Variants in SFMBT2 observed in about 807,000 individuals in gnomAD.
SFMBT2 encodes Scm like with four mbt domains 2.
SFMBT2 carries 38 observed loss-of-function variants against 110.1 expected under a neutral mutation model. That is an observed-to-expected ratio of 0.35 (90% CI 0.27 to 0.45). The LOEUF is 0.45. Ranked by LOEUF, SFMBT2 falls within the 20% of genes least tolerant of loss-of-function variation. The pLI is 1.00. For synonymous variants in SFMBT2, 425 were observed against 425.4 expected (o/e 1.00, Z 0.01); for missense variants, 1,011 against 1,094.9 (o/e 0.92, Z 1.08).
chr10:7,399,152 C>G (rs1339369699), intron 1 of SFMBT2, among the ~76,000 whole-genome samples: 1 of 152,194 alleles, frequency 6.6e-6, no homozygotes. Flanking sequence ...GCCTGTGGAG[C>G]CCTGCACTCC....
In SFMBT2 at chr10:7,387,415, C is replaced by T. The variant is rs191753964; in HGVS notation, c.-51-5466G>A. On this transcript the variant is annotated intron_variant, in intron 1 of 20. Transcript: ENST00000397167. The stretch of plus-strand genomic sequence containing the variant: ...CAGACATATAAATACCAGTGGCTGC[C>T]AGCAAGGACAAGTGGCTGCTAAAAG... 3.1e-3 allele frequency among the ~76,000 whole-genome samples: 479 copies of T among 152,210 alleles called. 3 individuals carry two copies. Among genetic ancestry groups the T allele is most frequent in the East Asian group, 2.1e-3 (11 of 5,182 alleles).
In SFMBT2 at chr10:7,159,869, T is replaced by C. The variant is rs902823971; in HGVS notation, c.*3901A>G. 1.1e-4 allele frequency: 16 copies of C among 152,030 alleles called. No individual in the cohort carries two copies. Among genetic ancestry groups the C allele is most frequent in the Middle Eastern group, 3.4e-3 (1 of 294 alleles). 9.4% of individuals were successfully genotyped at this position (152,030 alleles called of 1,614,324 possible). A position where few individuals can be genotyped will look rare whatever the true frequency, so the allele number is the denominator to read the frequency against. ...AGCGGGGACAGCTCTTAGAAAGGGGTGTTTGGCATAAGACAGAAGGCAAAT... is the reference window on the plus strand; with the variant it reads ...AGCGGGGACAGCTCTTAGAAAGGGGCGTTTGGCATAAGACAGAAGGCAAAT... On this transcript the variant is annotated 3_prime_UTR_variant, in exon 21 of 21. Coordinates refer to ENST00000397167, the MANE Select transcript of SFMBT2 (RefSeq NM_001387889.1).
intron 12 of SFMBT2, chr10:7,204,441 T>C (rs1839061625): frequency 1.0e-6 from 1 of 985,146 alleles, no homozygotes; most frequent in Admixed American, 6.1e-5. Flanking sequence ...CTTTAACAGT[T>C]AAAACCTGTT....
intron 4 of SFMBT2, among the ~76,000 whole-genome samples, chr10:7,350,877 GC>G (rs1434860407): frequency 6.6e-6 from 1 of 152,160 alleles, no homozygotes; most frequent in Non-Finnish European, 1.5e-5. Context: ...CAATTATTCT[GC>G]TTTACTATGC....
At chr10:7,340,944 G>A (rs1203157415) in intron 4 of SFMBT2, among the ~76,000 whole-genome samples, 1 of 152,060 alleles carries the variant, frequency 6.6e-6, no homozygotes, top group East Asian at 1.9e-4. Context: ...AATCACTCCA[G>A]CTGAAAAACA....
chr10:7,334,242 C>T (rs1346952683), intron 4 of SFMBT2, among the ~76,000 whole-genome samples: 1 of 152,188 alleles, frequency 6.6e-6, no homozygotes, highest in African/African-American at 2.4e-5. Context: ...GAGAACCAGG[C>T]TCAGAAACCC....
intron 11 of SFMBT2, chr10:7,214,725 A>G (rs1839475775): frequency 1.0e-6 from 1 of 985,370 alleles, no homozygotes; most frequent in Non-Finnish European, 1.2e-6. Flanking sequence ...CTTACTGTCC[A>G]AAGCTGTGCA....
intron 9 of SFMBT2, among the ~76,000 whole-genome samples, chr10:7,235,857 T>C (rs1840235558): frequency 6.6e-6 from 1 of 152,084 alleles, no homozygotes; most frequent in African/African-American, 2.4e-5. Flanking sequence ...TACTGTAAAA[T>C]ACATGTACAT....
intron 4 of SFMBT2, among the ~76,000 whole-genome samples, chr10:7,287,580 T>C (rs928033329): frequency 1.3e-5 from 2 of 152,118 alleles, no homozygotes; most frequent in Non-Finnish European, 2.9e-5. Context: ...AAAGTCAGCA[T>C]AAATGACAGC....
At chr10:7,194,768 C>A (rs1476745422) in intron 15 of SFMBT2, among the ~76,000 whole-genome samples, 2 of 152,144 alleles carry the variant, frequency 1.3e-5, no homozygotes, top group Admixed American at 1.3e-4. Flanking sequence ...ATTTTTCAAA[C>A]ATCAGCAAAA....
intron 1 of SFMBT2, among the ~76,000 whole-genome samples, chr10:7,405,516 G>C (rs1846187089): frequency 1.3e-5 from 2 of 152,138 alleles, no homozygotes. Flanking sequence ...TCTGCAGCAG[G>C]GACCCACAGC....
chr10:7,349,893 C>A (rs188212508), intron 4 of SFMBT2, among the ~76,000 whole-genome samples: 196 of 152,250 alleles, frequency 1.3e-3, no homozygotes, highest in African/African-American at 4.6e-3. Context: ...ACTGAAGATG[C>A]CGATGCAAAA....
chr10:7,251,372 G>T (rs1292135778), intron 7 of SFMBT2, among the ~76,000 whole-genome samples: 2 of 152,088 alleles, frequency 1.3e-5, no homozygotes, highest in Admixed American at 1.3e-4. Flanking sequence ...TACCCGGGAG[G>T]CAGAGGCAGG....
At chr10:7,400,227 AGAGG>A (rs1452677195) in intron 1 of SFMBT2, among the ~76,000 whole-genome samples, 1 of 152,216 alleles carries the variant, frequency 6.6e-6, no homozygotes, top group Non-Finnish European at 1.5e-5. Flanking sequence ...TCACAGCGGT[AGAGG>A]GAGGAAGAGG....
At chr10:7,395,157 A>G (rs1452963828) in intron 1 of SFMBT2, among the ~76,000 whole-genome samples, 1 of 152,172 alleles carries the variant, frequency 6.6e-6, no homozygotes, top group African/African-American at 2.4e-5. Context: ...CGTCTCTACT[A>G]AACATACAAA....
rs149885600 is a variant in SFMBT2 at position 7,365,908 on chromosome 10, G to A, written c.436+1741C>T. Among the ~76,000 whole-genome samples the A allele has an allele frequency of 1.2e-4, 19 of 152,296 alleles. No homozygotes were observed. In the East Asian group the frequency reaches 3.7e-3, roughly 29 times the overall value. On this transcript the variant is annotated intron_variant, in intron 4 of 20. Coordinates refer to ENST00000397167, the MANE Select transcript of SFMBT2 (RefSeq NM_001387889.1). ...AGTAATAATGGTTGCACAACCTTGT[G>A]AATATACTAAAAAATCACTGAACTG...
intron 4 of SFMBT2, among the ~76,000 whole-genome samples, chr10:7,297,944 G>A (rs1015480205): frequency 1.3e-5 from 2 of 152,150 alleles, no homozygotes; most frequent in African/African-American, 4.8e-5. Flanking sequence ...CACAGTGGGA[G>A]CACCACGGGC....
intron 11 of SFMBT2, chr10:7,214,693 G>A (rs1163973662): frequency 2.0e-6 from 2 of 981,414 alleles, no homozygotes; most frequent in African/African-American, 3.7e-5. Context: ...GGTACAAGGA[G>A]GCAATTCCTG....
At chr10:7,269,697 AAAGC>A (rs1032732547) in intron 7 of SFMBT2, among the ~76,000 whole-genome samples, 5 of 150,136 alleles carry the variant, frequency 3.3e-5, no homozygotes, top group African/African-American at 1.2e-4. Flanking sequence ...ACAGAGAAAA[AAAGC>A]AAGTAAGTGT....
Sources: gnomAD v4.1 joint callset for allele counts (sites outside exome capture counted in the v4.1 genomes callset) on GRCh38, gnomAD v4.1.1 for gene constraint, MANE v1.5 for transcripts, NCBI Gene and HGNC (gene_info 2026-07-23, HGNC 2026-07-21) for gene names.